The following BRD3 variants were observed in gnomAD, a reference collection of about 807,000 sequenced individuals.
BRD3 encodes bromodomain-containing protein 3.
BRD3 carries 17 observed loss-of-function variants against 66.8 expected under a neutral mutation model. The observed-to-expected ratio is 0.25, with a 90% CI of 0.17 to 0.38. The LOEUF is 0.38. Ranked by LOEUF, BRD3 falls within the 10% of genes least tolerant of loss-of-function variation. BRD3 has a pLI of 1.00. For synonymous variants in BRD3, 421 were observed against 393.2 expected, an observed-to-expected ratio of 1.07 and a Z score of -0.84; for missense variants, 713 against 956.1, an observed-to-expected ratio of 0.75 and a Z score of 3.35.
intron 11 of BRD3, among the ~76,000 whole-genome samples, chr9:134,034,056 C>T (rs1391051397): frequency 6.6e-6 from 1 of 152,156 alleles, no homozygotes; most frequent in Non-Finnish European, 1.5e-5. Flanking sequence ...AGAGTGACTA[C>T]AGGAGACAGA....
At chr9:134,034,301 G>C (rs1378266637) in intron 11 of BRD3, among the ~76,000 whole-genome samples, 2 of 152,232 alleles carry the variant, frequency 1.3e-5, no homozygotes, top group African/African-American at 4.8e-5. Flanking sequence ...CGCAGGGCAT[G>C]GGGCTGGGCC....
intron 6 of BRD3, among the ~76,000 whole-genome samples, chr9:134,047,572 G>A (rs1830201507): frequency 1.3e-5 from 2 of 152,328 alleles, no homozygotes; most frequent in African/African-American, 2.4e-5. Flanking sequence ...GGGGAGGCCA[G>A]GCTCTCGGTC....
Position 134,045,285 on chromosome 9 carries a change from C to T in BRD3, c.1215+8G>A, listed in dbSNP as rs200782608. 1.7e-5 allele frequency: 27 copies of T among 1,613,060 alleles called. No individual in the cohort carries two copies. In the South Asian group the frequency reaches 2.4e-4, roughly 14 times the overall value. On this transcript the variant is annotated splice_region_variant and intron_variant, in intron 7 of 11. Transcript: ENST00000303407. This position sits in a 1 kb window ranked among gnomAD's most constrained non-coding sequence, Gnocchi z 4.8. ...GAGCAGCCCCACCCGTGCCCAGCCTCGGGTTACCTGGAGCTTCCGGGCCAT... is the reference window on the plus strand; with the variant it reads ...GAGCAGCCCCACCCGTGCCCAGCCTTGGGTTACCTGGAGCTTCCGGGCCAT...
At chr9:134,036,928 T>G (rs1829933664) in intron 9 of BRD3, among the ~76,000 whole-genome samples, 1 of 151,958 alleles carries the variant, frequency 6.6e-6, no homozygotes, top group Admixed American at 6.5e-5. Context: ...GGAGAATCGC[T>G]TGAACCAGGG....
chr9:134,036,903 C>T (rs756956167), intron 9 of BRD3, among the ~76,000 whole-genome samples: 3 of 151,562 alleles, frequency 2.0e-5, no homozygotes, highest in Non-Finnish European at 2.9e-5. Flanking sequence ...CCCAGCTATG[C>T]GGGAGGCTGA....
chr9:134,054,296 G>A (rs1426264795), intron 1 of BRD3: 8 of 152,340 alleles, frequency 5.3e-5, no homozygotes, highest in Admixed American at 3.3e-4. Context: ...CTGCACACAC[G>A]AGATGCTGGG....
Position 134,032,722 on chromosome 9 carries a change from C to T in BRD3, c.*868G>A, listed in dbSNP as rs938074575. ...ATAACTATTTATATACACATAAGCT[C>T]GGGAAGTGGTTCCCAAGGGTGGCGC... On this transcript the variant is annotated 3_prime_UTR_variant, in exon 12 of 12. Coordinates refer to ENST00000303407, the MANE Select transcript of BRD3 (RefSeq NM_007371.4). The T allele has an allele frequency of 8.5e-6, 2 of 236,008 alleles. No homozygotes were observed. The highest frequency in any genetic ancestry group is 1.7e-5 in the Non-Finnish European group (2 of 120,482). 14.6% of individuals were successfully genotyped at this position (236,008 alleles called of 1,614,324 possible). A position where few individuals can be genotyped will look rare whatever the true frequency, so the allele number is the denominator to read the frequency against.
At chr9:134,049,274 G>A (rs1212324160) in intron 5 of BRD3, among the ~76,000 whole-genome samples, 1 of 152,314 alleles carries the variant, frequency 6.6e-6, no homozygotes, top group East Asian at 1.9e-4. Context: ...CATCACCTCA[G>A]CGTTCCAGGG....
chr9:134,047,940 C>G, intron 6 of BRD3, 143 bp downstream of exon 6: 1 of 1,197,480 alleles, frequency 8.4e-7, no homozygotes, highest in Non-Finnish European at 1.1e-6. Flanking sequence ...GCCGGCGCTG[C>G]GGGGGCCAGC....
rs1317134087 is a variant in BRD3, at chr9:134,045,385, C to T, written c.1123G>A (p.Gly375Ser). ...MDGREYPDAQ[G>S]FAADVRLMFS... Reference sequence around the variant, plus strand: ...ATCAGCCGGACATCAGCAGCAAAGCCCTGTGCGTCTGGGTACTCTCGGCCA... The same window carrying T: ...ATCAGCCGGACATCAGCAGCAAAGCTCTGTGCGTCTGGGTACTCTCGGCCA... The change falls in exon 7 of 12, where the codon GGC becomes AGC. Residue 375 changes from glycine (G) to serine (S), a missense_variant. Physicochemically the swap from Gly to Ser is moderately conservative, Grantham distance 56. Around this residue, in one of 5 missense-constraint regions of BRD3, gnomAD observed 418 missense variants for 609.3 expected, o/e 0.69. Transcript: ENST00000303407. This position sits in a 1 kb window ranked among gnomAD's most constrained non-coding sequence, Gnocchi z 4.8. 1.2e-6 allele frequency: 2 copies of T among 1,613,678 alleles called. No individual in the cohort carries two copies. Among genetic ancestry groups the T allele is most frequent in the Non-Finnish European group, 1.7e-6 (2 of 1,180,004 alleles).
chr9:134,046,480 C>T (rs1025044538), intron 6 of BRD3, among the ~76,000 whole-genome samples: 4 of 152,184 alleles, frequency 2.6e-5, no homozygotes, highest in Admixed American at 1.3e-4. Context: ...CCGCAGAGGG[C>T]GCCCCCAACT....
In BRD3 at chr9:134,047,474, A is replaced by C. The variant is rs569108291; in HGVS notation, c.1086+609T>G. The stretch of plus-strand genomic sequence containing the variant: ...CAGCTCAAATGCCGCACCCACCACC[A>C]CCCCCCATAGGGACCAGACTCACTC... On this transcript the variant is annotated intron_variant, in intron 6 of 11. Transcript: ENST00000303407. Among the ~76,000 whole-genome samples the C allele has an allele frequency of 3.9e-5, 6 of 152,064 alleles. No homozygotes were observed. In the East Asian group the frequency reaches 1.2e-3, roughly 30 times the overall value.
intron 3 of BRD3, among the ~76,000 whole-genome samples, chr9:134,052,004 C>T (rs987523811): frequency 6.6e-6 from 1 of 151,378 alleles, no homozygotes; most frequent in African/African-American, 2.4e-5. Context: ...GATTCTCCTG[C>T]CTTAGCCTTC....
At chr9:134,048,538 G>A in intron 5 of BRD3, 84 bp from the exon 6 acceptor site, 3 of 1,572,726 alleles carry the variant, frequency 1.9e-6, no homozygotes, top group Non-Finnish European at 2.6e-6. Context: ...CTGGGGCACT[G>A]TCTGCCTGCC....
At chr9:134,035,988 G>A (rs200672249) in intron 10 of BRD3, 44 bp downstream of exon 10, 8 of 1,553,962 alleles carry the variant, frequency 5.1e-6, no homozygotes, top group Non-Finnish European at 7.0e-6. Context: ...AGGCCAAGGA[G>A]GGGAGAGGAA....
intron 8 of BRD3, 98 bp downstream of exon 8, chr9:134,041,662 G>A: frequency 1.4e-6 from 2 of 1,426,072 alleles, no homozygotes; most frequent in South Asian, 1.3e-5. Context: ...GAGGGACAGG[G>A]GCAGAGGAAG....
intron 7 of BRD3, 103 bp from the exon 8 acceptor site, chr9:134,042,054 A>C: frequency 7.7e-7 from 1 of 1,291,556 alleles, no homozygotes; most frequent in Non-Finnish European, 1.0e-6. Context: ...CAGCACCCAC[A>C]GCTGTTACGA....
In BRD3 at chr9:134,067,970, C is replaced by A; in HGVS notation, c.-139G>T. 6.9e-6 allele frequency: 1 copy of A among 145,418 alleles called. No homozygotes were observed. The highest frequency in any genetic ancestry group is 1.9e-4 in the South Asian group (1 of 5,232). The allele number at this position is 145,418 out of a possible 1,614,324, so 9.0% of individuals were successfully genotyped here. A position where few individuals can be genotyped will look rare whatever the true frequency, so the allele number is the denominator to read the frequency against. On this transcript the variant is annotated 5_prime_UTR_variant, in exon 1 of 12. Transcript: ENST00000303407. Reference sequence around the variant, plus strand: ...TTGGCCTCGCGGCTCCGGCGGCCGTCCCCTCCCGGCCCGCGCGGCCGGCTC... The same window carrying A: ...TTGGCCTCGCGGCTCCGGCGGCCGTACCCTCCCGGCCCGCGCGGCCGGCTC...
chr9:134,062,906 T>C (rs1830574430), intron 1 of BRD3, among the ~76,000 whole-genome samples: 1 of 152,086 alleles, frequency 6.6e-6, no homozygotes, highest in Admixed American at 6.5e-5. Context: ...CACCGTGCTC[T>C]TAGAGGGACA....
Sources: allele counts gnomAD v4.1 joint callset (sites outside exome capture counted in the v4.1 genomes callset), GRCh38; gene constraint gnomAD v4.1.1; regional missense constraint gnomAD v4.1.1; non-coding constraint Gnocchi (gnomAD v3.1); transcripts MANE v1.5; gene names NCBI Gene and HGNC (gene_info 2026-07-23, HGNC 2026-07-21).